AMMECR1L: variants seen among roughly 807,000 people sequenced by gnomAD.
AMMECR1L encodes AMMECR1 like, also known as AMMECR1-like protein.
AMMECR1L carries 4 observed loss-of-function variants against 36.8 expected under a neutral mutation model. That is an observed-to-expected ratio of 0.11 (90% CI 0.05 to 0.25). The LOEUF (loss-of-function observed/expected upper bound fraction) is 0.25, where lower values mean the gene tolerates loss of function less well. Ranked by LOEUF, AMMECR1L falls within the 10% of genes least tolerant of loss-of-function variation. The pLI, the probability that AMMECR1L is intolerant of heterozygous loss-of-function variation, is 1.00. For synonymous variants in AMMECR1L, 147 were observed against 148.0 expected (o/e 0.99, Z 0.05); for missense variants, 232 against 392.1 (o/e 0.59, Z 3.45).
At chr2:127,866,785 A>G (rs1025257136) in intron 7 of AMMECR1L, 115 bp downstream of exon 7, 1 of 1,016,784 alleles carries the variant, frequency 9.8e-7, no homozygotes, top group Non-Finnish European at 1.5e-6. Context: ...CTTCACCCAC[A>G]CTTCTTTGAT....
At chr2:127,884,123 C>T (rs931446609) in intron 2 of AMMECR1L, 80 bp downstream of exon 2, 9 of 152,218 alleles carry the variant, frequency 5.9e-5, no homozygotes. Flanking sequence ...AACACACCTA[C>T]ATCCCAAAAT....
Position 127,869,702 on chromosome 2 carries a change from T to C in AMMECR1L, c.634-158A>G, listed in dbSNP as rs1484253923. ...ATGACTAATTCTATCTCAGGAGGTA[T>C]AGAGGCCAAAGAAAGTTCTGCTTTT... is the stretch of plus-strand genomic sequence containing the variant. On this transcript the variant is annotated intron_variant, in intron 5 of 7. Transcript: ENST00000272647. The surrounding 1 kb of genome is among the most constrained non-coding windows in gnomAD (Gnocchi z 4.7). Among the ~76,000 whole-genome samples, 1 of 152,214 alleles carries C rather than the reference T, an allele frequency of 6.6e-6. No homozygotes were observed. The highest frequency in any genetic ancestry group is 1.5e-5 in the Non-Finnish European group (1 of 68,034).
chr2:127,874,332 A>C lies in AMMECR1L; in HGVS notation c.-38-60T>G. ...TGGTTAGTTAAAAGGAGAGGAAAAA[A>C]CATCAAAGATAGAGAGTCTGCATTG... On this transcript the variant is annotated intron_variant, in intron 2 of 7. Transcript: ENST00000272647. The surrounding 1 kb of genome is among the most constrained non-coding windows in gnomAD (Gnocchi z 5.2). The C allele has an allele frequency of 6.8e-7, 1 of 1,467,456 alleles. No individual in the cohort carries two copies. The highest frequency in any genetic ancestry group is 9.1e-7 in the Non-Finnish European group (1 of 1,094,016). 90.9% of individuals were successfully genotyped at this position (1,467,456 alleles called of 1,614,324 possible). A position where few individuals can be genotyped will look rare whatever the true frequency, so the allele number is the denominator to read the frequency against.
rs760631543 is a variant in AMMECR1L at position 127,862,933 on chromosome 2, T to C, written c.*2161A>G. ...CATACCATACATTGGAGAAGACAAATAGGGCAACATTTCTACAAGAAAAAA... is the reference window on the plus strand; with the variant it reads ...CATACCATACATTGGAGAAGACAAACAGGGCAACATTTCTACAAGAAAAAA... On this transcript the variant is annotated 3_prime_UTR_variant, in exon 8 of 8. Coordinates refer to ENST00000272647, the MANE Select transcript of AMMECR1L (RefSeq NM_001199140.2). The C allele has an allele frequency of 1.3e-5, 2 of 152,450 alleles. No homozygotes were observed. Among genetic ancestry groups the C allele is most frequent in the African/African-American group, 2.4e-5 (1 of 41,386 alleles). The allele number at this position is 152,450 out of a possible 1,614,324, so 9.4% of individuals were successfully genotyped here.
At position 127,865,042 on chromosome 2, in the gene AMMECR1L, G is replaced by A; in HGVS notation, c.*52C>T. 1 of 1,263,688 alleles carries A rather than the reference G, an allele frequency of 7.9e-7. No individual in the cohort carries two copies. The allele number at this position is 1,263,688 out of a possible 1,614,324, so 78.3% of individuals were successfully genotyped here. ...AAGAGGAGGCATCTGCTCCAATGAT[G>A]TCATAGCCATTGGTGGCCACGGGGG... On this transcript the variant is annotated 3_prime_UTR_variant, in exon 8 of 8. Coordinates refer to ENST00000272647, the MANE Select transcript of AMMECR1L (RefSeq NM_001199140.2). This position sits in a 1 kb window ranked among gnomAD's most constrained non-coding sequence, Gnocchi z 5.4.
chr2:127,866,854 A>AC, intron 7 of AMMECR1L, 46 bp downstream of exon 7: 1 of 1,553,138 alleles, frequency 6.4e-7, no homozygotes, highest in Middle Eastern at 1.7e-4. Context: ...CCTCCATTCA[A>AC]CCCCAACTAA....
chr2:127,880,219 C>G (rs1346103271), intron 2 of AMMECR1L, among the ~76,000 whole-genome samples: 1 of 152,210 alleles, frequency 6.6e-6, no homozygotes, highest in Non-Finnish European at 1.5e-5. Context: ...AACCAAGACC[C>G]TTCCAGGCCT....
rs554223578 is a variant in AMMECR1L, at chr2:127,874,369, G to A, written c.-38-97C>T. 5 of 1,197,588 alleles carry A rather than the reference G, an allele frequency of 4.2e-6. No homozygotes were observed. The highest frequency in any genetic ancestry group is 1.5e-5 in the South Asian group (1 of 65,468). The allele number at this position is 1,197,588 out of a possible 1,614,324, so 74.2% of individuals were successfully genotyped here. ...GAGAGTCTGCATTGACCAGCTAAGA[G>A]CTGTCAAATTCTTTCTCCCACTCAA... On this transcript the variant is annotated intron_variant, in intron 2 of 7. Coordinates refer to ENST00000272647, the MANE Select transcript of AMMECR1L (RefSeq NM_001199140.2). The surrounding 1 kb of genome is among the most constrained non-coding windows in gnomAD (Gnocchi z 5.2).
chr2:127,870,757 C>G (rs1310568702), intron 5 of AMMECR1L, 57 bp downstream of exon 5: 4 of 1,403,068 alleles, frequency 2.9e-6, no homozygotes, highest in Non-Finnish European at 4.0e-6. Flanking sequence ...TTGCCATGTA[C>G]TAACCCGAAC....
chr2:127,872,082 G>A (rs974457272), intron 3 of AMMECR1L, among the ~76,000 whole-genome samples: 16 of 151,562 alleles, frequency 1.1e-4, no homozygotes, highest in Admixed American at 7.9e-4. Context: ...TCAGCTACTC[G>A]GGAGGCTGAG....
In AMMECR1L at chr2:127,871,166, C is replaced by A. The variant is rs370232229; in HGVS notation, c.518+83G>T. 189 of 1,436,204 alleles carry A rather than the reference C, an allele frequency of 1.3e-4. 1 individual carries two copies. The South Asian group carries it at 2.0e-3, about 15-fold the overall frequency. The allele number at this position is 1,436,204 out of a possible 1,614,324, so 89.0% of individuals were successfully genotyped here. A position where few individuals can be genotyped will look rare whatever the true frequency, so the allele number is the denominator to read the frequency against. ...TACCAAAAAGAGAAAGCTCAACGTA[C>A]ATCACTTAGAAGAAATAAAGTCAGG... On this transcript the variant is annotated intron_variant, in intron 4 of 7. Coordinates refer to ENST00000272647, the MANE Select transcript of AMMECR1L (RefSeq NM_001199140.2). The surrounding 1 kb of genome is among the most constrained non-coding windows in gnomAD (Gnocchi z 4.3).
At chr2:127,881,383 C>T in intron 2 of AMMECR1L, among the ~76,000 whole-genome samples, 1 of 149,432 alleles carries the variant, frequency 6.7e-6, no homozygotes, top group South Asian at 2.2e-4. Context: ...GGCAAAAGGA[C>T]CTTCCTCTCT....
Position 127,885,839 on chromosome 2 carries a change from C to T in AMMECR1L, c.-178G>A. The T allele has an allele frequency of 1.0e-6, 1 of 985,538 alleles. No individual in the cohort carries two copies. Among genetic ancestry groups the T allele is most frequent in the Non-Finnish European group, 1.2e-6 (1 of 829,866 alleles). The allele number at this position is 985,538 out of a possible 1,614,324, so 61.0% of individuals were successfully genotyped here. A position where few individuals can be genotyped will look rare whatever the true frequency, so the allele number is the denominator to read the frequency against. Reference sequence around the variant, plus strand: ...TCTCCTGGCCCAGACGCGGCTGGGGCGGACGGGACCTCTCGCGCTCTGCCT... The same window carrying T: ...TCTCCTGGCCCAGACGCGGCTGGGGTGGACGGGACCTCTCGCGCTCTGCCT... On this transcript the variant is annotated 5_prime_UTR_variant, in exon 1 of 8. Coordinates refer to ENST00000272647, the MANE Select transcript of AMMECR1L (RefSeq NM_001199140.2).
In AMMECR1L at chr2:127,874,317, A is replaced by T; in HGVS notation, c.-38-45T>A. The T allele has an allele frequency of 2.0e-6, 3 of 1,521,292 alleles. No individual in the cohort carries two copies. The highest frequency in any genetic ancestry group is 1.8e-6 in the Non-Finnish European group (2 of 1,133,438). 94.2% of individuals were successfully genotyped at this position (1,521,292 alleles called of 1,614,324 possible). Reference sequence around the variant, plus strand: ...AAGCATTAATTTGACTGGTTAGTTAAAAGGAGAGGAAAAAACATCAAAGAT... The same window carrying T: ...AAGCATTAATTTGACTGGTTAGTTATAAGGAGAGGAAAAAACATCAAAGAT... On this transcript the variant is annotated intron_variant, in intron 2 of 7. Coordinates refer to ENST00000272647, the MANE Select transcript of AMMECR1L (RefSeq NM_001199140.2). This position sits in a 1 kb window ranked among gnomAD's most constrained non-coding sequence, Gnocchi z 5.2.
At chr2:127,878,584 G>A (rs1026004756) in intron 2 of AMMECR1L, among the ~76,000 whole-genome samples, 3 of 152,222 alleles carry the variant, frequency 2.0e-5, no homozygotes, top group Admixed American at 6.5e-5. Context: ...CAGAGCAACA[G>A]AAGGGATTTT....
chr2:127,874,391 T>C lies in AMMECR1L; in HGVS notation c.-38-119A>G. 4 of 940,438 alleles carry C rather than the reference T, an allele frequency of 4.3e-6. No homozygotes were observed. Among genetic ancestry groups the C allele is most frequent in the Non-Finnish European group, 6.2e-6 (4 of 645,492 alleles). The allele number at this position is 940,438 out of a possible 1,614,324, so 58.3% of individuals were successfully genotyped here. On this transcript the variant is annotated intron_variant, in intron 2 of 7. Coordinates refer to ENST00000272647, the MANE Select transcript of AMMECR1L (RefSeq NM_001199140.2). This position sits in a 1 kb window ranked among gnomAD's most constrained non-coding sequence, Gnocchi z 5.2. ...AGAGCTGTCAAATTCTTTCTCCCAC[T>C]CAACCTCCAGGTCACAGACCAGGAG...
At position 127,875,961 on chromosome 2, in the gene AMMECR1L, CT is replaced by C. The variant is rs60994162; in HGVS notation, c.-38-1690del. 1.5e-3 allele frequency among the ~76,000 whole-genome samples: 219 copies of C among 147,192 alleles called. 1 individual carries two copies. Among genetic ancestry groups the C allele is most frequent in the African/African-American group, 3.5e-3 (142 of 40,422 alleles). On this transcript the variant is annotated intron_variant, in intron 2 of 7. Coordinates refer to ENST00000272647, the MANE Select transcript of AMMECR1L (RefSeq NM_001199140.2). ...GGTACACACCACTATGCCCAGCTAT[CT>C]TTTTTTTTTTGGAGATATGGGGGTC...
In AMMECR1L at chr2:127,874,525, T is replaced by C. The variant is rs1691137588; in HGVS notation, c.-38-253A>G. Among the ~76,000 whole-genome samples, 1 of 151,844 alleles carries C rather than the reference T, an allele frequency of 6.6e-6. No homozygotes were observed. Among genetic ancestry groups the C allele is most frequent in the African/African-American group, 2.4e-5 (1 of 41,376 alleles). ...CAAGCAGCTCCCTGTTCCCCAAGAG[T>C]CCCCAGGGCAGAAGACAGGGTGGGG... On this transcript the variant is annotated intron_variant, in intron 2 of 7. Coordinates refer to ENST00000272647, the MANE Select transcript of AMMECR1L (RefSeq NM_001199140.2). The surrounding 1 kb of genome is among the most constrained non-coding windows in gnomAD (Gnocchi z 5.2).
At position 127,871,238 on chromosome 2, in the gene AMMECR1L, G is replaced by T. The variant is rs750773563; in HGVS notation, c.518+11C>A. ...AATTTATCTACAGTTCTTAATGTCT[G>T]GTGTCATTACCTGGTTAACGTGTAT... On this transcript the variant is annotated intron_variant, in intron 4 of 7. Coordinates refer to ENST00000272647, the MANE Select transcript of AMMECR1L (RefSeq NM_001199140.2). The surrounding 1 kb of genome is among the most constrained non-coding windows in gnomAD (Gnocchi z 4.3). 1 of 1,609,360 alleles carries T rather than the reference G, an allele frequency of 6.2e-7. No homozygotes were observed. The highest frequency in any genetic ancestry group is 1.7e-5 in the Admixed American group (1 of 59,986).
Sources: allele counts gnomAD v4.1 joint callset (sites outside exome capture counted in the v4.1 genomes callset), GRCh38; gene constraint gnomAD v4.1.1; non-coding constraint Gnocchi (gnomAD v3.1); transcripts MANE v1.5; gene names NCBI Gene and HGNC (gene_info 2026-07-23, HGNC 2026-07-21).